JAM3: variants seen among roughly 807,000 people sequenced by gnomAD.
JAM3 encodes junctional adhesion molecule 3, also known as junctional adhesion molecule C.
In JAM3, 31 loss-of-function variants were observed where a neutral mutation model predicts 39.4. The ratio of observed to expected loss-of-function variants is 0.79; its 90% CI spans 0.59 to 1.06. The LOEUF (loss-of-function observed/expected upper bound fraction) is 1.06, where lower values mean the gene tolerates loss of function less well. JAM3 is among the 50% of genes least tolerant of loss of function. The pLI is 0.00. For synonymous variants in JAM3, 182 were observed against 148.7 expected (o/e 1.22, Z -1.63); for missense variants, 455 against 391.4 (o/e 1.16, Z -1.37).
intron 1 of JAM3, among the ~76,000 whole-genome samples, chr11:134,113,198 G>GTTT (rs201082815): frequency 7.7e-6 from 1 of 129,990 alleles, no homozygotes; most frequent in Non-Finnish European, 1.6e-5. Context: ...TGGACTGTCT[G>GTTT]GTTTTTTTTT....
chr11:134,127,276 T>C (rs977567571), intron 1 of JAM3, among the ~76,000 whole-genome samples: 2 of 152,250 alleles, frequency 1.3e-5, no homozygotes, highest in African/African-American at 4.8e-5. Context: ...TCTGACTGTC[T>C]TGAAGAGTGA....
intron 1 of JAM3, among the ~76,000 whole-genome samples, chr11:134,106,104 C>T (rs1346312802): frequency 6.6e-6 from 1 of 152,116 alleles, no homozygotes; most frequent in Admixed American, 6.6e-5. Flanking sequence ...AACTATACTA[C>T]AAGGCTACAG....
At chr11:134,097,450 C>T (rs1942003763) in intron 1 of JAM3, among the ~76,000 whole-genome samples, 1 of 152,154 alleles carries the variant, frequency 6.6e-6, no homozygotes, top group Admixed American at 6.5e-5. Flanking sequence ...TTCGCAAGTA[C>T]CTCTGGAATC....
chr11:134,095,299 C>T (rs1941958559), intron 1 of JAM3, among the ~76,000 whole-genome samples: 1 of 148,070 alleles, frequency 6.8e-6, no homozygotes, highest in South Asian at 2.1e-4. Context: ...ATGGAAAACT[C>T]TTTTTTTTTT....
chr11:134,143,167 G>A lies in JAM3; in HGVS notation c.257-1074G>A, dbSNP rs1414372879. On this transcript the variant is annotated intron_variant, in intron 3 of 8. Transcript: ENST00000299106. The stretch of plus-strand genomic sequence containing the variant: ...TGCATGTTTAGTTGTTTAAAAAACC[G>A]ACAGAGTGTTTTTCAAAGCTGCTTT... 4.6e-5 allele frequency among the ~76,000 whole-genome samples: 7 copies of A among 152,120 alleles called. No individual in the cohort carries two copies. In the East Asian group the frequency reaches 5.8e-4, roughly 13 times the overall value.
rs545375187 is a variant in JAM3 at position 134,100,727 on chromosome 11, G to A, written c.76+31568G>A. 2.0e-5 allele frequency among the ~76,000 whole-genome samples: 3 copies of A among 152,228 alleles called. No individual in the cohort carries two copies. The East Asian group carries it at 5.8e-4, about 29-fold the overall frequency. On this transcript the variant is annotated intron_variant, in intron 1 of 8. Transcript: ENST00000299106. ...TTACTCTTACAACTGGAGGAGAAAG[G>A]TATTATAATTATCCCCATCGTATGG...
chr11:134,136,405 G>C (rs1341690629), intron 1 of JAM3, among the ~76,000 whole-genome samples: 2 of 152,152 alleles, frequency 1.3e-5, no homozygotes, highest in African/African-American at 4.8e-5. Flanking sequence ...ATGTCTTCAC[G>C]TGTTAGATTT....
In JAM3 at chr11:134,148,535, C is replaced by T. The variant is rs1349305640; in HGVS notation, c.713-12C>T. ...GTGTATCATGGCTTCCACCAAACCT[C>T]CTTTTCTTCAGATGACCTGAACATT... On this transcript the variant is annotated splice_polypyrimidine_tract_variant and intron_variant, in intron 6 of 8. Coordinates refer to ENST00000299106, the MANE Select transcript of JAM3 (RefSeq NM_032801.5). 6.2e-7 allele frequency: 1 copy of T among 1,614,150 alleles called. No homozygotes were observed. The highest frequency in any genetic ancestry group is 1.3e-5 in the African/African-American group (1 of 75,040).
At position 134,140,727 on chromosome 11, in the gene JAM3, A is replaced by G. The variant is rs1480613213; in HGVS notation, c.213A>G (p.Gln71=). The G allele has an allele frequency of 6.2e-7, 1 of 1,613,746 alleles. No individual in the cohort carries two copies. The highest frequency in any genetic ancestry group is 1.7e-5 in the Admixed American group (1 of 60,004). ...SDPRIEWKKI[Q]DEQTTYVFFD... is the part of the protein sequence containing the mutation. ...CCAGGATCGAGTGGAAGAAAATTCA[A>G]GATGAACAAACCACATATGTGTTTT... Residue 71 remains glutamine (Q), a synonymous_variant, in exon 3 of 9, where the codon CAA becomes CAG. Coordinates refer to ENST00000299106, the MANE Select transcript of JAM3 (RefSeq NM_032801.5).
At chr11:134,104,074 C>T (rs1479487142) in intron 1 of JAM3, among the ~76,000 whole-genome samples, 3 of 152,208 alleles carry the variant, frequency 2.0e-5, no homozygotes, top group Admixed American at 6.5e-5. Context: ...AGCATCACAT[C>T]GCACTTATTC....
intron 1 of JAM3, among the ~76,000 whole-genome samples, chr11:134,079,167 G>A (rs1275763305): frequency 2.0e-5 from 3 of 152,058 alleles, no homozygotes; most frequent in East Asian, 3.9e-4. Flanking sequence ...TTTAAGGATG[G>A]CGCTCTGTTA....
chr11:134,147,441 C>T (rs562774037), intron 6 of JAM3, among the ~76,000 whole-genome samples: 10 of 113,202 alleles, frequency 8.8e-5, no homozygotes, highest in Admixed American at 5.3e-4. Flanking sequence ...GTGACGGTGA[C>T]GGAGCAAGAC....
At position 134,139,877 on chromosome 11, in the gene JAM3, A is replaced by C. The variant is rs369927251; in HGVS notation, c.103A>C (p.Lys35Gln). The change falls in exon 2 of 9, where the codon AAA becomes CAA. Residue 35 changes from lysine (K) to glutamine (Q), a missense_variant. Physicochemically the swap from Lys to Gln is moderately conservative, Grantham distance 53. Transcript: ENST00000299106. Reference sequence around the variant, plus strand: ...CTGCCTGATAGGGGCTGTAAATCTCAAATCCAGCAATCGAACCCCAGTGGT... The same window carrying C: ...CTGCCTGATAGGGGCTGTAAATCTCCAATCCAGCAATCGAACCCCAGTGGT... ...RGCLIGAVNL[K>Q]SSNRTPVVQE... The C allele has an allele frequency of 1.2e-6, 2 of 1,614,030 alleles. No individual in the cohort carries two copies. The highest frequency in any genetic ancestry group is 1.7e-6 in the Non-Finnish European group (2 of 1,179,974).
chr11:134,125,982 C>T (rs1376889260), intron 1 of JAM3, among the ~76,000 whole-genome samples: 1 of 152,194 alleles, frequency 6.6e-6, no homozygotes, highest in African/African-American at 2.4e-5. Context: ...AAATCATGCT[C>T]TTTGTGAAAC....
At chr11:134,096,294 C>T (rs1330733031) in intron 1 of JAM3, among the ~76,000 whole-genome samples, 1 of 152,174 alleles carries the variant, frequency 6.6e-6, no homozygotes, top group Non-Finnish European at 1.5e-5. Flanking sequence ...ATGTAATGAA[C>T]TGACATCCTT....
At chr11:134,133,611 G>A (rs2120826751) in intron 1 of JAM3, among the ~76,000 whole-genome samples, 1 of 152,200 alleles carries the variant, frequency 6.6e-6, no homozygotes, top group Admixed American at 6.5e-5. Context: ...ATGTGTTTCA[G>A]GAAGAAATCC....
At chr11:134,110,691 A>C (rs886535209) in intron 1 of JAM3, among the ~76,000 whole-genome samples, 1 of 150,262 alleles carries the variant, frequency 6.7e-6, no homozygotes, top group Non-Finnish European at 1.5e-5. Flanking sequence ...AGCATTAGGA[A>C]ACTTTTGAGG....
At chr11:134,146,732 T>TA (rs1453201901) in intron 6 of JAM3, among the ~76,000 whole-genome samples, 79 of 152,152 alleles carry the variant, frequency 5.2e-4, no homozygotes, top group African/African-American at 1.7e-3. Context: ...CATGCTCAGC[T>TA]AATTTTATTT....
At chr11:134,106,782 A>T (rs1396386495) in intron 1 of JAM3, among the ~76,000 whole-genome samples, 2 of 152,242 alleles carry the variant, frequency 1.3e-5, no homozygotes, top group African/African-American at 4.8e-5. Flanking sequence ...CCACAATGAG[A>T]TACCATCTCA....
Sources: gnomAD v4.1 joint callset for allele counts (sites outside exome capture counted in the v4.1 genomes callset) on GRCh38, gnomAD v4.1.1 for gene constraint, MANE v1.5 for transcripts, NCBI Gene and HGNC (gene_info 2026-07-23, HGNC 2026-07-21) for gene names.